The following PRKDC variants were observed in gnomAD, a reference collection of about 807,000 sequenced individuals.
The protein encoded by PRKDC is protein kinase, DNA-activated, catalytic subunit, also known as DNA-dependent protein kinase catalytic subunit.
In PRKDC, 82 loss-of-function variants were observed where a neutral mutation model predicts 486.9. The ratio of observed to expected loss-of-function variants is 0.17; its 90% confidence interval spans 0.14 to 0.20. The LOEUF (loss-of-function observed/expected upper bound fraction) is 0.20. Ranked by LOEUF, PRKDC falls within the 10% of genes least tolerant of loss-of-function variation. The pLI is 1.00. For missense variants in PRKDC, 4,504 were observed against 5,038.2 expected, an observed-to-expected ratio of 0.89 and a Z score of 3.21; for synonymous variants, 1,895 against 1,837.0, an observed-to-expected ratio of 1.03 and a Z score of -0.81.
At chr8:47,945,787 T>TCTCAGCTCACCACAAC (rs905774538) in intron 7 of PRKDC, among the ~76,000 whole-genome samples, 1 of 152,120 alleles carries the variant, frequency 6.6e-6, no homozygotes, top group Non-Finnish European at 1.5e-5. Context: ...AGTGGCACGA[T>TCTCAGCTCACCACAAC]CTCAGCTCAC....
chr8:47,821,747 C>T lies in PRKDC; in HGVS notation c.8968G>A (p.Glu2990Lys), dbSNP rs1348588252. The part of the protein sequence containing the change: ...DWVDGEPTEA[E>K]KDFWELASLD... The stretch of plus-strand genomic sequence containing the variant: ...GATGCAAGTTCCCAAAAATCCTTCT[C>T]GGCTTCTGTGGGCTCACCATCTACC... Residue 2990 changes from glutamate (E) to lysine (K), a missense_variant, in exon 65 of 86, where the codon GAG becomes AAG. Coordinates refer to ENST00000314191, the MANE Select transcript of PRKDC (RefSeq NM_006904.7). 1.9e-6 allele frequency: 3 copies of T among 1,596,534 alleles called. No homozygotes were observed. Among genetic ancestry groups the T allele is most frequent in the Non-Finnish European group, 1.7e-6 (2 of 1,172,128 alleles).
intron 36 of PRKDC, 23 bp downstream of exon 36, chr8:47,885,921 T>C: frequency 6.2e-7 from 1 of 1,601,998 alleles, no homozygotes; most frequent in Non-Finnish European, 8.5e-7. Context: ...AAAAACAGTT[T>C]ATTTAAAGGG....
At chr8:47,921,233 C>T (rs993009124) in intron 21 of PRKDC, among the ~76,000 whole-genome samples, 5 of 150,292 alleles carry the variant, frequency 3.3e-5, no homozygotes, top group South Asian at 2.1e-4. Context: ...CCAGCCTGGG[C>T]GACAGAGCGA....
intron 30 of PRKDC, 120 bp downstream of exon 30, chr8:47,897,033 AATATTCTG>A: frequency 9.3e-7 from 1 of 1,081,054 alleles, no homozygotes; most frequent in South Asian, 2.0e-5. Context: ...ATCAACTGTT[AATATTCTG>A]AATCTTAACT....
intron 69 of PRKDC, 35 bp from the exon 70 acceptor site, chr8:47,803,515 T>C (rs765348333): frequency 1.2e-6 from 2 of 1,604,000 alleles, no homozygotes; most frequent in South Asian, 2.2e-5. Context: ...GAAGGTGGTA[T>C]GATGATACAC....
intron 17 of PRKDC, 136 bp downstream of exon 17, chr8:47,930,536 T>C: frequency 3.8e-6 from 3 of 789,230 alleles, no homozygotes; most frequent in Middle Eastern, 3.9e-4. Context: ...CCTCCCAAAG[T>C]GCTGGGATTA....
intron 32 of PRKDC, among the ~76,000 whole-genome samples, chr8:47,889,830 G>A (rs889732220): frequency 2.0e-5 from 3 of 152,066 alleles, no homozygotes; most frequent in African/African-American, 2.4e-5. Flanking sequence ...AGTTAATAAC[G>A]ATGCATTGTA....
At chr8:47,857,445 C>T (rs568007985) in intron 48 of PRKDC, 146 bp from the exon 49 acceptor site, 2 of 812,106 alleles carry the variant, frequency 2.5e-6, no homozygotes, top group Admixed American at 3.0e-5. Context: ...AAAGTGAAGG[C>T]ATTAGTGTGG....
At position 47,782,962 on chromosome 8, in the gene PRKDC, A is replaced by AG; in HGVS notation, c.11176-365_11176-364insC. The AG allele has an allele frequency of 7.8e-6, 2 of 254,804 alleles. No homozygotes were observed. Among genetic ancestry groups the AG allele is most frequent in the Non-Finnish European group, 1.5e-5 (2 of 130,200 alleles). The allele number at this position is 254,804 out of a possible 1,614,324, so 15.8% of individuals were successfully genotyped here. On this transcript the variant is annotated intron_variant, in intron 78 of 85. Coordinates refer to ENST00000314191, the MANE Select transcript of PRKDC (RefSeq NM_006904.7). The surrounding 1 kb of genome is among the most constrained non-coding windows in gnomAD (Gnocchi z 4.9). The stretch of plus-strand genomic sequence containing the variant: ...GATATCTTAAATAGAACTGTTGTTC[A>AG]AACACTGGAGACATAATATATTAAG...
chr8:47,862,040 T>C (rs1309992722), intron 44 of PRKDC, 22 bp downstream of exon 44: 1 of 1,529,068 alleles, frequency 6.5e-7, no homozygotes, highest in Non-Finnish European at 8.8e-7. Flanking sequence ...AAGTTTTTTT[T>C]AACATTGAAA....
intron 76 of PRKDC, among the ~76,000 whole-genome samples, chr8:47,787,464 T>C (rs992515872): frequency 2.0e-5 from 3 of 152,226 alleles, no homozygotes; most frequent in Non-Finnish European, 4.4e-5. Context: ...TCTAAAGTGA[T>C]ATTTGAGGCA....
In PRKDC at chr8:47,776,977, C is replaced by G. The variant is rs375321876; in HGVS notation, c.12049G>C (p.Glu4017Gln). ...CCTCCTTTTTTCAGCATTTTCTGTT[C>G]AAAATTCTAGAAGAAAAGAACATGA... ...KEPSFDWKNF[E>Q]QKMLKKGGSW... The change falls in exon 85 of 86, where the codon GAA (glutamate) becomes CAA (glutamine). Residue 4017 changes from glutamate to glutamine, a missense_variant. Physicochemically the swap from Glu to Gln is conservative, Grantham distance 29 (BLOSUM62 2). Around this residue, in one of 6 missense-constraint regions of PRKDC, gnomAD observed 706 missense variants for 945.0 expected, o/e 0.75. Coordinates refer to ENST00000314191, the MANE Select transcript of PRKDC (RefSeq NM_006904.7). 15 of 1,608,736 alleles carry G rather than the reference C, an allele frequency of 9.3e-6. No homozygotes were observed. The Admixed American group carries it at 2.2e-4, about 24-fold the overall frequency.
At chr8:47,916,038 T>A (rs962883076) in intron 22 of PRKDC, among the ~76,000 whole-genome samples, 1 of 152,238 alleles carries the variant, frequency 6.6e-6, no homozygotes, top group African/African-American at 2.4e-5. Flanking sequence ...GGAAACATCA[T>A]GTATTCCTCA....
rs2090352972 is a variant in PRKDC at position 47,936,422 on chromosome 8, A to G, written c.1209T>C (p.Gly403=). 6.2e-7 allele frequency: 1 copy of G among 1,614,050 alleles called. No individual in the cohort carries two copies. The change falls in exon 12 of 86, where the codon GGT becomes GGC. Residue 403 remains glycine (G), a synonymous_variant. Transcript: ENST00000314191. ...KQMFLTQTDT[G]DDRVYQMPSF... ...TTGGCATCTGATAAACACGGTCGTC[A>G]CCAGTGTCTGTCTGGGTGAGGAACA...
At chr8:47,916,874 A>G (rs1223214598) in intron 22 of PRKDC, among the ~76,000 whole-genome samples, 1 of 152,194 alleles carries the variant, frequency 6.6e-6, no homozygotes, top group African/African-American at 2.4e-5. Context: ...AAATTAACGG[A>G]GTAAAAATAG....
intron 7 of PRKDC, among the ~76,000 whole-genome samples, chr8:47,953,148 AAAG>A (rs2090652983): frequency 6.6e-6 from 1 of 152,056 alleles, no homozygotes; most frequent in Non-Finnish European, 1.5e-5. Flanking sequence ...TTAAAAAAAA[AAAG>A]AAAGTAATTT....
At chr8:47,845,366 T>C (rs1425810471) in intron 54 of PRKDC, among the ~76,000 whole-genome samples, 4 of 152,006 alleles carry the variant, frequency 2.6e-5, no homozygotes, top group Non-Finnish European at 5.9e-5. Context: ...TTTGAAAGAA[T>C]AAACGAGATA....
In PRKDC at chr8:47,855,320, T is replaced by C. The variant is rs767142634; in HGVS notation, c.6663A>G (p.Lys2221=). 2 of 1,600,652 alleles carry C rather than the reference T, an allele frequency of 1.2e-6. No homozygotes were observed. The highest frequency in any genetic ancestry group is 1.7e-5 in the Admixed American group (1 of 58,158). ...LANRLLNFLM[K]HVFHPKRAVF... ...CAGCTCTTTTTGGATGAAAGACATG[T>C]TTCATTAGGAAATTAAGCAATCGAT... The change falls in exon 50 of 86, where the codon AAA becomes AAG. Residue 2221 remains lysine (K), a synonymous_variant. Transcript: ENST00000314191.
intron 19 of PRKDC, among the ~76,000 whole-genome samples, chr8:47,928,714 C>T (rs532378517): frequency 2.0e-5 from 3 of 151,968 alleles, no homozygotes; most frequent in East Asian, 3.9e-4. Context: ...GACAGAGTCT[C>T]GCTGTGTCAC....
Sources: gnomAD v4.1 joint callset for allele counts (sites outside exome capture counted in the v4.1 genomes callset) on GRCh38, gnomAD v4.1.1 for gene constraint, gnomAD v4.1.1 regional missense constraint, Gnocchi (gnomAD v3.1) non-coding constraint, MANE v1.5 for transcripts, NCBI Gene and HGNC (gene_info 2026-07-23, HGNC 2026-07-21) for gene names.